The following GCM1 variants were observed in gnomAD, a reference collection of about 807,000 sequenced individuals.
GCM1 encodes chorion-specific transcription factor GCMa.
A neutral mutation model predicts 25.7 loss-of-function variants in GCM1; 2 were observed. The observed-to-expected ratio is 0.08, with a 90% CI of 0.03 to 0.24. GCM1 has a LOEUF of 0.24. GCM1 is among the 10% of genes least tolerant of loss of function. The pLI is 1.00. For synonymous variants in GCM1, 183 were observed against 195.7 expected, an observed-to-expected ratio of 0.94 and a Z score of 0.54; for missense variants, 395 against 538.7, an observed-to-expected ratio of 0.73 and a Z score of 2.64.
chr6:53,134,791 G>C (rs914155368), intron 2 of GCM1, among the ~76,000 whole-genome samples: 6 of 152,180 alleles, frequency 3.9e-5, no homozygotes, highest in Non-Finnish European at 5.9e-5. Flanking sequence ...AACACAGCAA[G>C]ACCCCTTCTC....
intron 2 of GCM1, among the ~76,000 whole-genome samples, chr6:53,144,363 T>C (rs1763923012): frequency 6.8e-6 from 1 of 147,524 alleles, no homozygotes; most frequent in Admixed American, 6.8e-5. Flanking sequence ...AAATTGAAAC[T>C]GCAGTGAGCT....
At chr6:53,143,797 C>G (rs534067864) in intron 2 of GCM1, among the ~76,000 whole-genome samples, 2 of 129,150 alleles carry the variant, frequency 1.5e-5, no homozygotes, top group South Asian at 4.6e-4. Context: ...CCAAGATCTA[C>G]GAAGAGAGGA....
At chr6:53,133,133 G>A (rs1008675028) in intron 3 of GCM1, among the ~76,000 whole-genome samples, 1 of 152,126 alleles carries the variant, frequency 6.6e-6, no homozygotes, top group Non-Finnish European at 1.5e-5. Context: ...AATTTTACAT[G>A]GGTCATTGAT....
chr6:53,133,250 C>T (rs1255755811), intron 3 of GCM1, among the ~76,000 whole-genome samples: 1 of 151,892 alleles, frequency 6.6e-6, no homozygotes, highest in African/African-American at 2.4e-5. Context: ...CTGCAACCTC[C>T]ACCTTCTGGG....
chr6:53,139,895 A>G (rs1763850764), intron 2 of GCM1, among the ~76,000 whole-genome samples: 1 of 152,102 alleles, frequency 6.6e-6, no homozygotes, highest in African/African-American at 2.4e-5. Context: ...AAGACTCAGG[A>G]CAAAGTTCCT....
chr6:53,128,660 C>G lies in GCM1; in HGVS notation c.857G>C (p.Gly286Ala). The change falls in exon 6 of 6, where the codon GGA becomes GCA. Residue 286 changes from glycine to alanine, a missense_variant. This residue lies in a region of GCM1 where 291 missense variants were observed against 314.6 expected (regional missense o/e 0.92). Coordinates refer to ENST00000259803, the MANE Select transcript of GCM1 (RefSeq NM_003643.4). ...TAGATCGCCATGATCAGAGTAGACT[C>G]CGGAGGCAGAAGGAGGAAGCAGGTC... is the stretch of plus-strand genomic sequence containing the variant. Reference protein sequence around the residue: ...SGDLLPPSASGVYSDHGDLQA... With the variant: ...SGDLLPPSASAVYSDHGDLQA... 1.2e-6 allele frequency: 2 copies of G among 1,613,992 alleles called. No individual in the cohort carries two copies. The highest frequency in any genetic ancestry group is 8.5e-7 in the Non-Finnish European group (1 of 1,179,878).
At chr6:53,142,180 A>AAATAT (rs1338545361) in intron 2 of GCM1, among the ~76,000 whole-genome samples, 1 of 152,124 alleles carries the variant, frequency 6.6e-6, no homozygotes, top group Non-Finnish European at 1.5e-5. Flanking sequence ...TAAAATTATG[A>AAATAT]AATATAAACT....
intron 5 of GCM1, 136 bp from the exon 6 acceptor site, chr6:53,129,082 C>G: frequency 1.5e-6 from 1 of 677,442 alleles, no homozygotes. Context: ...ATACTTGACG[C>G]ACAAACACAT....
intron 3 of GCM1, 43 bp from the exon 4 acceptor site, chr6:53,132,162 T>C (rs2127508352): frequency 2.4e-6 from 3 of 1,226,054 alleles, no homozygotes; most frequent in Non-Finnish European, 3.6e-6. Flanking sequence ...GGCTGAACCA[T>C]GTCGGTTGTT....
intron 2 of GCM1, among the ~76,000 whole-genome samples, chr6:53,138,171 A>T (rs759554192): frequency 1.3e-5 from 2 of 150,942 alleles, no homozygotes; most frequent in African/African-American, 4.9e-5. Context: ...TATCCCAGTT[A>T]CTCAGGAGGC....
chr6:53,147,433 T>TAA (rs1562093072), intron 1 of GCM1, among the ~76,000 whole-genome samples: 1 of 148,072 alleles, frequency 6.8e-6, no homozygotes, highest in African/African-American at 2.5e-5. Context: ...TTGTTTTTTT[T>TAA]TTTTTTTTTT....
In GCM1 at chr6:53,128,317, T is replaced by C. The variant is rs760991885; in HGVS notation, c.1200A>G (p.Gln400=). 6.2e-7 allele frequency: 1 copy of C among 1,614,026 alleles called. No individual in the cohort carries two copies. Among genetic ancestry groups the C allele is most frequent in the Non-Finnish European group, 8.5e-7 (1 of 1,179,950 alleles). The change falls in exon 6 of 6, where the codon CAA becomes CAG. Residue 400 remains glutamine (Q), a synonymous_variant. Transcript: ENST00000259803. ...TGCTGCTCTTGCTTGGCAGTGAATA[T>C]TGCTGATGAGGATGAGAGGCGTAGG... ...LFTYASHPHQ[Q]YSLPSKSSKW...
intron 5 of GCM1, among the ~76,000 whole-genome samples, chr6:53,130,263 A>G (rs760568914): frequency 6.6e-6 from 1 of 152,196 alleles, no homozygotes; most frequent in Non-Finnish European, 1.5e-5. Context: ...AAAAAAACCT[A>G]TGATCTGCTG....
chr6:53,133,936 T>G, intron 3 of GCM1, 136 bp downstream of exon 3: 2 of 849,178 alleles, frequency 2.4e-6, no homozygotes, highest in South Asian at 3.3e-5. Context: ...ATGCTCCATG[T>G]CAGAACAGCC....
In GCM1 at chr6:53,128,071, G is replaced by GAAA; in HGVS notation, c.*132_*134dup. On this transcript the variant is annotated 3_prime_UTR_variant, in exon 6 of 6. Transcript: ENST00000259803. ...AAAAAAAAGAAGGAAAAAAGAAAAA[G>GAAA]AAAAAAGCCTTGTCTACTGCTTATC... 2 of 191,938 alleles carry GAAA rather than the reference G, an allele frequency of 1.0e-5. No homozygotes were observed. Among genetic ancestry groups the GAAA allele is most frequent in the South Asian group, 1.3e-4 (1 of 7,718 alleles). The allele number at this position is 191,938 out of a possible 1,614,324, so 11.9% of individuals were successfully genotyped here. A position where few individuals can be genotyped will look rare whatever the true frequency, so the allele number is the denominator to read the frequency against.
At chr6:53,145,285 A>G (rs1763938459) in intron 2 of GCM1, among the ~76,000 whole-genome samples, 1 of 152,236 alleles carries the variant, frequency 6.6e-6, no homozygotes, top group South Asian at 2.1e-4. Flanking sequence ...GAGTGAGTGC[A>G]ACCTGAGTTA....
At position 53,134,337 on chromosome 6, in the gene GCM1, C is replaced by G. The variant is rs1317105387; in HGVS notation, c.76-13G>C. 2 of 1,611,738 alleles carry G rather than the reference C, an allele frequency of 1.2e-6. No homozygotes were observed. The highest frequency in any genetic ancestry group is 1.7e-6 in the Non-Finnish European group (2 of 1,177,942). On this transcript the variant is annotated splice_polypyrimidine_tract_variant and intron_variant, in intron 2 of 5. Transcript: ENST00000259803. ...TTTTTTTCACGTTCTGATAGAAACA[C>G]AAAAGATACGACTATACTTTAAGCT...
chr6:53,129,494 G>A (rs1255370220), intron 5 of GCM1, among the ~76,000 whole-genome samples: 5 of 152,096 alleles, frequency 3.3e-5, no homozygotes, highest in African/African-American at 4.8e-5. Context: ...GGCTGGTCTC[G>A]AACTCCTGAC....
intron 1 of GCM1, among the ~76,000 whole-genome samples, chr6:53,147,383 A>G (rs1279300654): frequency 6.6e-6 from 1 of 151,196 alleles, no homozygotes; most frequent in Admixed American, 6.6e-5. Context: ...TAATAGTCTA[A>G]GCTTTGGCGA....
Sources: gnomAD v4.1 joint callset for allele counts (sites outside exome capture counted in the v4.1 genomes callset) on GRCh38, gnomAD v4.1.1 for gene constraint, gnomAD v4.1.1 regional missense constraint, MANE v1.5 for transcripts, NCBI Gene and HGNC (gene_info 2026-07-23, HGNC 2026-07-21) for gene names.